The following PCGF3 variants were observed in gnomAD, a reference collection of about 807,000 sequenced individuals.
PCGF3 encodes the protein polycomb group RING finger protein 3.
Under a neutral mutation model 33.1 loss-of-function variants are expected in PCGF3, and 7 were observed. The observed-to-expected ratio is 0.21, with a 90% confidence interval of 0.12 to 0.40. The LOEUF is 0.40. Ranked by LOEUF, PCGF3 falls within the 10% of genes least tolerant of loss-of-function variation. The pLI, the probability that PCGF3 is intolerant of heterozygous loss-of-function variation, is 1.00. For synonymous variants in PCGF3, 153 were observed against 121.3 expected (o/e 1.26, Z -1.72); for missense variants, 211 against 313.3 (o/e 0.67, Z 2.46).
intron 8 of PCGF3, among the ~76,000 whole-genome samples, chr4:751,592 A>T (rs1228559119): frequency 6.6e-6 from 1 of 151,554 alleles, no homozygotes; most frequent in Non-Finnish European, 1.5e-5. Context: ...AACTGATTAA[A>T]TTCTGTGCTT....
Position 731,681 on chromosome 4 carries a change from C to T in PCGF3, c.-10+571C>T, listed in dbSNP as rs541057512. ...GCCCCTCGTGGGTGGGCGTGGTCCT[C>T]AGGGGCGTAGGGCGGGGCTCCCCCT... On this transcript the variant is annotated intron_variant, in intron 3 of 10. Coordinates refer to ENST00000362003, the Ensembl canonical transcript of PCGF3. Among the ~76,000 whole-genome samples the T allele has an allele frequency of 3.6e-3, 168 of 46,258 alleles. 3 individuals carry two copies. Among genetic ancestry groups the T allele is most frequent in the East Asian group, 8.7e-3 (12 of 1,384 alleles). The allele number at this position is 46,258 out of a possible 152,430, so 30.3% of individuals were successfully genotyped here.
chr4:710,463 G>C (rs1221281613), intron 1 of PCGF3, among the ~76,000 whole-genome samples: 1 of 152,240 alleles, frequency 6.6e-6, no homozygotes, highest in Non-Finnish European at 1.5e-5. Flanking sequence ...GGCAGGTGGG[G>C]TCACTGGAAC....
At chr4:716,052 A>G (rs75692196) in intron 1 of PCGF3, among the ~76,000 whole-genome samples, 322 of 48,362 alleles carry the variant, frequency 6.7e-3, no homozygotes, top group Middle Eastern at 0.015. Context: ...TCGGTGCTGG[A>G]ACCCTGTAGA....
chr4:737,637 C>T (rs1007349480), intron 6 of PCGF3, 116 bp downstream of exon 6: 9 of 701,904 alleles, frequency 1.3e-5, no homozygotes, highest in Admixed American at 4.8e-5. Flanking sequence ...GCCGAATCAC[C>T]GTCTTCTCAT....
At chr4:749,520 G>A (rs1282658780) in intron 8 of PCGF3, among the ~76,000 whole-genome samples, 1 of 100,764 alleles carries the variant, frequency 9.9e-6, no homozygotes, top group East Asian at 3.2e-4. Context: ...TCACTTTGTC[G>A]CCAGGCTGGA....
chr4:716,285 T>C (rs1577396719), intron 1 of PCGF3, among the ~76,000 whole-genome samples: 1 of 116,496 alleles, frequency 8.6e-6, no homozygotes, highest in East Asian at 2.9e-4. Flanking sequence ...CTGTAGACAC[T>C]GAGTGTGAGA....
intron 4 of PCGF3, 149 bp downstream of exon 4, chr4:733,938 T>G (rs1743727687): frequency 3.2e-6 from 5 of 1,556,318 alleles, no homozygotes; most frequent in Non-Finnish European, 4.3e-6. Flanking sequence ...ATCTTGAAGA[T>G]AAGTCAGAAA....
At chr4:743,970 G>T in intron 7 of PCGF3, 1 of 176,324 alleles carries the variant, frequency 5.7e-6, no homozygotes, top group Non-Finnish European at 1.2e-5. Context: ...GAAATCTGAG[G>T]GTATCACAAC....
chr4:758,486 C>T (rs1308706436), intron 8 of PCGF3, among the ~76,000 whole-genome samples: 2 of 136,624 alleles, frequency 1.5e-5, no homozygotes, highest in Non-Finnish European at 3.2e-5. Context: ...CGGCCCCTCT[C>T]CCGAGCTCTT....
At chr4:727,233 CTTTTTTTTTTTTT>C (rs57690550) in intron 1 of PCGF3, among the ~76,000 whole-genome samples, 18 of 61,892 alleles carry the variant, frequency 2.9e-4, no homozygotes, top group Admixed American at 1.4e-3. Context: ...TAGCGAGCGT[CTTTTTTTTTTTTT>C]TTTTTTTTTT....
exon 11 of PCGF3, chr4:768,849 T>A (rs1745494819): frequency 6.5e-6 from 1 of 152,676 alleles, no homozygotes; most frequent in African/African-American, 2.4e-5. Context: ...GCTTTTAATT[T>A]GTATGTTTTT....
chr4:754,336 G>A lies in PCGF3; in HGVS notation c.463-6943G>A, dbSNP rs142971131. Reference sequence around the variant, plus strand: ...CTCCTGTCCGCACCCTCGGGCACGCGCTGTGCTCTTGGGACTTCACACCCG... The same window carrying A: ...CTCCTGTCCGCACCCTCGGGCACGCACTGTGCTCTTGGGACTTCACACCCG... On this transcript the variant is annotated intron_variant, in intron 8 of 10. Transcript: ENST00000362003. 9.7e-3 allele frequency among the ~76,000 whole-genome samples: 1,479 copies of A among 152,286 alleles called. 4 individuals carry two copies. Among genetic ancestry groups the A allele is most frequent in the Non-Finnish European group, 0.015 (1,038 of 68,020 alleles).
At chr4:716,720 C>T (rs1184738691) in intron 1 of PCGF3, among the ~76,000 whole-genome samples, 1 of 135,406 alleles carries the variant, frequency 7.4e-6, no homozygotes, top group Non-Finnish European at 1.6e-5. Context: ...ACCCTGAAGA[C>T]ACTGAGTGTG....
chr4:743,720 C>T (rs1183147329), intron 7 of PCGF3, 136 bp downstream of exon 7: 17 of 608,840 alleles, frequency 2.8e-5, no homozygotes, highest in Middle Eastern at 4.5e-4. Context: ...GGGTGTGGGG[C>T]GGTTAGGGTT....
chr4:710,073 T>TG (rs1217443169), intron 1 of PCGF3, among the ~76,000 whole-genome samples: 1 of 151,932 alleles, frequency 6.6e-6, no homozygotes, highest in Admixed American at 6.6e-5. Context: ...CCGTGCTGAG[T>TG]GGTTGTATTA....
chr4:762,550 A>G (rs972927524), intron 9 of PCGF3: 1 of 152,348 alleles, frequency 6.6e-6, no homozygotes, highest in South Asian at 2.1e-4. Context: ...AGGACTGGCC[A>G]GCATGTGTTC....
chr4:734,150 C>A, intron 4 of PCGF3: 1 of 1,550,264 alleles, frequency 6.5e-7, no homozygotes, highest in South Asian at 1.2e-5. Context: ...CCAGTGTGTT[C>A]TTCACACCTG....
At chr4:768,031 CTG>C (rs1233562628) in exon 11 of PCGF3, 5 of 152,656 alleles carry the variant, frequency 3.3e-5, no homozygotes, top group East Asian at 1.9e-4. Flanking sequence ...TCAGATGAAA[CTG>C]AATATCATTG....
At chr4:716,765 C>G (rs1560196638) in intron 1 of PCGF3, among the ~76,000 whole-genome samples, 1 of 133,116 alleles carries the variant, frequency 7.5e-6, no homozygotes, top group Non-Finnish European at 1.6e-5. Context: ...CCTGTAGATA[C>G]TGTGAGTGTG....
Sources: gnomAD v4.1 joint callset for allele counts (sites outside exome capture counted in the v4.1 genomes callset) on GRCh38, gnomAD v4.1.1 for gene constraint, MANE v1.5 for transcripts, NCBI Gene and HGNC (gene_info 2026-07-23, HGNC 2026-07-21) for gene names.